The following IQCM variants were observed in gnomAD, a reference collection of about 807,000 sequenced individuals.
The protein encoded by IQCM is IQ domain-containing protein M.
In IQCM, 45 loss-of-function variants were observed where a neutral mutation model predicts 57.6. The ratio of observed to expected loss-of-function variants is 0.78; its 90% CI spans 0.62 to 1.00. IQCM has a LOEUF of 1.00. Ranked by LOEUF, IQCM falls within the 50% of genes least tolerant of loss-of-function variation. The pLI, the probability that IQCM is intolerant of heterozygous loss-of-function variation, is 0.00. For missense variants in IQCM, 468 were observed against 511.6 expected (o/e 0.91, Z 0.82); for synonymous variants, 148 against 158.9 (o/e 0.93, Z 0.51).
At chr4:149,800,602 ACT>A (rs1773515354) in intron 2 of IQCM, among the ~76,000 whole-genome samples, 1 of 151,884 alleles carries the variant, frequency 6.6e-6, no homozygotes, top group South Asian at 2.1e-4. Flanking sequence ...AAACCTAAAG[ACT>A]CCACTGAAAA....
intron 2 of IQCM, among the ~76,000 whole-genome samples, chr4:149,785,783 A>T (rs1284665406): frequency 1.3e-5 from 2 of 151,490 alleles, no homozygotes; most frequent in African/African-American, 4.8e-5. Flanking sequence ...TCTGTTGCTT[A>T]TTATTCTTTG....
intron 8 of IQCM, among the ~76,000 whole-genome samples, chr4:149,604,828 C>T (rs1754631998): frequency 6.6e-6 from 1 of 152,006 alleles, no homozygotes; most frequent in Non-Finnish European, 1.5e-5. Context: ...TTAATGTTCC[C>T]TTTACTAGAG....
chr4:149,717,888 C>A (rs1223491076), intron 5 of IQCM, among the ~76,000 whole-genome samples: 3 of 152,190 alleles, frequency 2.0e-5, no homozygotes, highest in Admixed American at 6.5e-5. Flanking sequence ...TGTCCCTTTC[C>A]TAAACCCTCC....
chr4:149,521,392 A>G (rs1343727878), intron 12 of IQCM, among the ~76,000 whole-genome samples: 2 of 152,196 alleles, frequency 1.3e-5, no homozygotes, highest in African/African-American at 4.8e-5. Context: ...TCTTTTTTCT[A>G]CCATGCAAAT....
chr4:149,791,442 A>T (rs1361848195), intron 2 of IQCM, among the ~76,000 whole-genome samples: 1 of 151,842 alleles, frequency 6.6e-6, no homozygotes, highest in Non-Finnish European at 1.5e-5. Flanking sequence ...TTTCAGTTCC[A>T]CTCTTTTCAT....
At chr4:149,373,019 C>T (rs992620820) in intron 13 of IQCM, among the ~76,000 whole-genome samples, 1 of 152,018 alleles carries the variant, frequency 6.6e-6, no homozygotes, top group African/African-American at 2.4e-5. Flanking sequence ...TGATGCTTCT[C>T]AGAAAAACTG....
At chr4:149,532,010 A>G (rs1434280938) in intron 12 of IQCM, among the ~76,000 whole-genome samples, 3 of 152,072 alleles carry the variant, frequency 2.0e-5, no homozygotes, top group Non-Finnish European at 4.4e-5. Context: ...CACGAGGGCC[A>G]GCTCCACTAT....
intron 12 of IQCM, among the ~76,000 whole-genome samples, chr4:149,465,137 T>G (rs1055990260): frequency 2.0e-5 from 3 of 152,204 alleles, no homozygotes; most frequent in Non-Finnish European, 4.4e-5. Flanking sequence ...AAATGATATT[T>G]AGATGCTAGT....
intron 12 of IQCM, among the ~76,000 whole-genome samples, chr4:149,452,410 G>A (rs1283317486): frequency 6.7e-6 from 1 of 150,080 alleles, no homozygotes; most frequent in Admixed American, 6.7e-5. Flanking sequence ...AAAAAATGAA[G>A]AACGTATACT....
intron 5 of IQCM, among the ~76,000 whole-genome samples, chr4:149,703,439 C>G (rs903922323): frequency 1.3e-5 from 2 of 151,824 alleles, no homozygotes; most frequent in Admixed American, 6.6e-5. Flanking sequence ...AAAATACACA[C>G]AAAATCTCAT....
chr4:149,423,103 T>G (rs1430771748), intron 13 of IQCM, among the ~76,000 whole-genome samples: 1 of 152,092 alleles, frequency 6.6e-6, no homozygotes, highest in Non-Finnish European at 1.5e-5. Context: ...TGTCTCTGTA[T>G]AAGTCAATTT....
intron 12 of IQCM, among the ~76,000 whole-genome samples, chr4:149,452,956 C>T (rs1353426335): frequency 4.0e-5 from 6 of 150,122 alleles, no homozygotes; most frequent in Non-Finnish European, 8.9e-5. Flanking sequence ...ACCGCAGCAT[C>T]ATGCAATATA....
chr4:149,508,305 C>T (rs1420559015), intron 12 of IQCM, among the ~76,000 whole-genome samples: 3 of 152,000 alleles, frequency 2.0e-5, no homozygotes, highest in Non-Finnish European at 4.4e-5. Context: ...GGTAGATCAA[C>T]TGATAGCTTG....
chr4:149,530,136 A>C (rs1746583866), intron 12 of IQCM, among the ~76,000 whole-genome samples: 1 of 152,060 alleles, frequency 6.6e-6, no homozygotes, highest in Non-Finnish European at 1.5e-5. Flanking sequence ...TGATCACCCC[A>C]AAGAAAAATG....
At chr4:149,785,202 G>A (rs78776283) in intron 2 of IQCM, among the ~76,000 whole-genome samples, 3,397 of 152,246 alleles carry the variant, frequency 0.022, 64 homozygotes, top group South Asian at 0.036. Flanking sequence ...ACTGCCAGAA[G>A]ACAATGGAGC....
intron 5 of IQCM, among the ~76,000 whole-genome samples, chr4:149,694,222 T>C (rs928418478): frequency 2.4e-4 from 33 of 135,734 alleles, no homozygotes; most frequent in African/African-American, 8.8e-4. Context: ...TAATTTCTTT[T>C]TTTTTTTTTT....
At chr4:149,749,107 C>T (rs1768198613) in intron 2 of IQCM, among the ~76,000 whole-genome samples, 1 of 152,222 alleles carries the variant, frequency 6.6e-6, no homozygotes, top group African/African-American at 2.4e-5. Flanking sequence ...TATTCACACA[C>T]TGCCTGTTGC....
At chr4:149,613,725 C>G (rs571431798) in intron 8 of IQCM, among the ~76,000 whole-genome samples, 7 of 152,172 alleles carry the variant, frequency 4.6e-5, no homozygotes, top group Admixed American at 3.9e-4. Context: ...CCCGCTCCCC[C>G]CACCCCACAA....
At chr4:149,735,541 AG>A (rs1426787291) in intron 3 of IQCM, 83 bp from the exon 4 acceptor site, 23 of 535,510 alleles carry the variant, frequency 4.3e-5, no homozygotes, top group Non-Finnish European at 1.1e-5. Context: ...AGGAAGCAAA[AG>A]AAATACAATG....
Sources: allele counts gnomAD v4.1 joint callset (sites outside exome capture counted in the v4.1 genomes callset), GRCh38; gene constraint gnomAD v4.1.1; transcripts MANE v1.5; gene names NCBI Gene and HGNC (gene_info 2026-07-23, HGNC 2026-07-21).